Variants in SCP2 observed in about 807,000 individuals in gnomAD.
SCP2 encodes sterol carrier protein 2.
SCP2 carries 48 observed loss-of-function variants against 71.4 expected under a neutral mutation model. The observed-to-expected ratio is 0.67, with a 90% CI of 0.53 to 0.86. The LOEUF (loss-of-function observed/expected upper bound fraction) is 0.86. Ranked by LOEUF, SCP2 falls within the 40% of genes least tolerant of loss-of-function variation. The pLI, the probability that SCP2 is intolerant of heterozygous loss-of-function variation, is 0.00. For missense variants in SCP2, 560 were observed against 655.6 expected (o/e 0.85, Z 1.59); for synonymous variants, 220 against 218.1 (o/e 1.01, Z -0.08).
chr1:52,990,598 G>C (rs1391762374), intron 11 of SCP2, among the ~76,000 whole-genome samples: 1 of 151,862 alleles, frequency 6.6e-6, no homozygotes, highest in Non-Finnish European at 1.5e-5. Context: ...GCCAGGCGTG[G>C]TGGCGGGCGC....
At chr1:52,978,077 A>G (rs1181287602) in intron 8 of SCP2, 140 bp from the exon 9 acceptor site, 1 of 759,988 alleles carries the variant, frequency 1.3e-6, no homozygotes, top group Non-Finnish European at 2.3e-6. Context: ...TGTGATTTAC[A>G]ACTGTAGATA....
intron 11 of SCP2, among the ~76,000 whole-genome samples, chr1:52,999,324 T>A (rs1660153116): frequency 6.6e-6 from 1 of 152,214 alleles, no homozygotes; most frequent in Non-Finnish European, 1.5e-5. Context: ...GTTACTTGGA[T>A]AACAAACTGC....
intron 12 of SCP2, among the ~76,000 whole-genome samples, chr1:53,017,557 T>C (rs911197025): frequency 6.6e-6 from 1 of 152,250 alleles, no homozygotes; most frequent in Non-Finnish European, 1.5e-5. Flanking sequence ...CTCAATAATA[T>C]TCCATTGTAT....
intron 13 of SCP2, among the ~76,000 whole-genome samples, chr1:53,035,690 T>G (rs563052518): frequency 6.7e-6 from 1 of 150,322 alleles, no homozygotes; most frequent in Non-Finnish European, 1.5e-5. Context: ...AAAGCTATAA[T>G]ATTGGCACAG....
intron 5 of SCP2, among the ~76,000 whole-genome samples, chr1:52,960,623 T>C (rs957884665): frequency 1.4e-5 from 2 of 146,588 alleles, no homozygotes; most frequent in Non-Finnish European, 3.0e-5. Context: ...TGTATATATG[T>C]ATGTATATAT....
intron 13 of SCP2, among the ~76,000 whole-genome samples, chr1:53,028,465 T>C (rs1662289886): frequency 6.7e-6 from 1 of 150,136 alleles, no homozygotes; most frequent in African/African-American, 2.5e-5. Flanking sequence ...AAAATGAGCC[T>C]TTTTTGTATA....
intron 11 of SCP2, among the ~76,000 whole-genome samples, chr1:53,000,979 A>T (rs867229034): frequency 6.6e-6 from 1 of 151,882 alleles, no homozygotes; most frequent in Admixed American, 6.6e-5. Context: ...AATTATATAT[A>T]TATATTACAT....
intron 11 of SCP2, among the ~76,000 whole-genome samples, chr1:53,000,754 C>T (rs528663730): frequency 1.1e-4 from 16 of 152,034 alleles, no homozygotes; most frequent in African/African-American, 3.1e-4. Flanking sequence ...CTCAGGAGTT[C>T]GAGACCAACC....
Position 52,961,495 on chromosome 1 carries a change from C to T in SCP2, c.397-8C>T, listed in dbSNP as rs536971626. 1 of 1,613,594 alleles carries T rather than the reference C, an allele frequency of 6.2e-7. No individual in the cohort carries two copies. Among genetic ancestry groups the T allele is most frequent in the Non-Finnish European group, 8.5e-7 (1 of 1,179,692 alleles). ...AGCTGCTTATGAAATTTTGTTCCCCCCTCTTAGTTTTCAGATAGAACCATT... is the reference window on the plus strand; with the variant it reads ...AGCTGCTTATGAAATTTTGTTCCCCTCTCTTAGTTTTCAGATAGAACCATT... On this transcript the variant is annotated splice_polypyrimidine_tract_variant and splice_region_variant and intron_variant, in intron 5 of 15. Coordinates refer to ENST00000371514, the MANE Select transcript of SCP2 (RefSeq NM_002979.5).
intron 1 of SCP2, among the ~76,000 whole-genome samples, chr1:52,932,238 C>T (rs778638846): frequency 2.8e-4 from 43 of 152,088 alleles, no homozygotes; most frequent in Admixed American, 6.6e-4. Context: ...AAAAAGAAAG[C>T]TCATATCAAG....
At position 52,927,348 on chromosome 1, in the gene SCP2, T is replaced by G; in HGVS notation, c.-49T>G. On this transcript the variant is annotated 5_prime_UTR_variant, in exon 1 of 16. Coordinates refer to ENST00000371514, the MANE Select transcript of SCP2 (RefSeq NM_002979.5). ...CTCTGGTGCAGTCTCCGCCTGTCAG[T>G]GCCGGCAGTCGTCCGCGGCGCCCGC... The G allele has an allele frequency of 6.8e-7, 1 of 1,481,154 alleles. No homozygotes were observed. Among genetic ancestry groups the G allele is most frequent in the Non-Finnish European group, 9.2e-7 (1 of 1,084,290 alleles). 91.8% of individuals were successfully genotyped at this position (1,481,154 alleles called of 1,614,324 possible). A position where few individuals can be genotyped will look rare whatever the true frequency, so the allele number is the denominator to read the frequency against.
chr1:53,013,421 TAAAAAAA>T (rs776237493), intron 11 of SCP2, among the ~76,000 whole-genome samples: 4 of 117,216 alleles, frequency 3.4e-5, no homozygotes, highest in African/African-American at 1.4e-4. Context: ...CCGTCTCTAC[TAAAAAAA>T]AAAAAAAAAA....
chr1:52,978,650 C>T (rs188315746), intron 9 of SCP2, among the ~76,000 whole-genome samples: 3 of 152,316 alleles, frequency 2.0e-5, no homozygotes, highest in African/African-American at 7.2e-5. Flanking sequence ...ATAGCTTCCA[C>T]ATCCCAGGCT....
chr1:52,946,509 T>G (rs1185165814), intron 2 of SCP2, among the ~76,000 whole-genome samples: 1 of 152,134 alleles, frequency 6.6e-6, no homozygotes, highest in Non-Finnish European at 1.5e-5. Flanking sequence ...AAACCAAGAT[T>G]CTTGCCAAAT....
At chr1:53,027,930 T>C in intron 12 of SCP2, 39 bp from the exon 13 acceptor site, 3 of 1,107,304 alleles carry the variant, frequency 2.7e-6, no homozygotes, top group Non-Finnish European at 4.2e-6. Context: ...ACCTAGTACC[T>C]ATGTGACTCC....
intron 6 of SCP2, among the ~76,000 whole-genome samples, chr1:52,964,569 T>C (rs61769099): frequency 6.0e-4 from 92 of 152,300 alleles, no homozygotes; most frequent in Non-Finnish European, 1.1e-3. Flanking sequence ...TTTAAAAATA[T>C]TTTGTTTAGA....
intron 11 of SCP2, among the ~76,000 whole-genome samples, chr1:52,991,580 T>C (rs1659510144): frequency 6.6e-6 from 1 of 152,160 alleles, no homozygotes; most frequent in Non-Finnish European, 1.5e-5. Flanking sequence ...TTTGTATTTT[T>C]AGTGGAGACA....
intron 11 of SCP2, among the ~76,000 whole-genome samples, chr1:53,009,845 A>G (rs1660873403): frequency 6.6e-6 from 1 of 152,248 alleles, no homozygotes; most frequent in African/African-American, 2.4e-5. Flanking sequence ...CAGGCAACCT[A>G]CAGAATGGGA....
chr1:53,050,437 C>A (rs1472981959), intron 15 of SCP2, 172 bp from the exon 16 acceptor site: 5 of 566,402 alleles, frequency 8.8e-6, no homozygotes, highest in Non-Finnish European at 1.6e-5. Flanking sequence ...TTTACAAATT[C>A]TTCCTTTTGA....
Sources: gnomAD v4.1 joint callset for allele counts (sites outside exome capture counted in the v4.1 genomes callset) on GRCh38, gnomAD v4.1.1 for gene constraint, MANE v1.5 for transcripts, NCBI Gene and HGNC (gene_info 2026-07-23, HGNC 2026-07-21) for gene names.